GRIA4: variants seen among roughly 807,000 people sequenced by gnomAD.
The protein encoded by GRIA4 is glutamate receptor 4.
A neutral mutation model predicts 104.0 loss-of-function variants in GRIA4; 34 were observed. The ratio of observed to expected loss-of-function variants is 0.33; its 90% CI spans 0.25 to 0.44. GRIA4 has a LOEUF of 0.44. GRIA4 is among the 20% of genes least tolerant of loss of function. The pLI is 1.00. For synonymous variants in GRIA4, 386 were observed against 381.9 expected (o/e 1.01, Z -0.13); for missense variants, 750 against 1,096.5 (o/e 0.68, Z 4.46).
intron 3 of GRIA4, among the ~76,000 whole-genome samples, chr11:105,717,162 G>T (rs116185345): frequency 6.6e-6 from 1 of 151,986 alleles, no homozygotes. Flanking sequence ...AGAAAAGGTG[G>T]ATTGGAGCTA....
chr11:105,974,867 A>G (rs1858896837), intron 16 of GRIA4: 2 of 207,524 alleles, frequency 9.6e-6, no homozygotes, highest in African/African-American at 2.3e-5. Context: ...GCTTCCTTGC[A>G]CATAGACTGG....
At chr11:105,771,255 C>T (rs1938958) in intron 4 of GRIA4, among the ~76,000 whole-genome samples, 104,406 of 151,940 alleles carry the variant, frequency 0.69, 36,250 homozygotes, top group African/African-American at 0.8. Context: ...TCTTCAAAAA[C>T]TAACCTTCCT....
At chr11:105,665,815 T>A (rs557245424) in intron 3 of GRIA4, among the ~76,000 whole-genome samples, 25 of 152,150 alleles carry the variant, frequency 1.6e-4, no homozygotes, top group African/African-American at 5.5e-4. Flanking sequence ...GTGAGACACT[T>A]CCTTCAATGA....
chr11:105,785,696 A>G (rs7108004), intron 4 of GRIA4, among the ~76,000 whole-genome samples: 1 of 152,150 alleles, frequency 6.6e-6, no homozygotes, highest in Non-Finnish European at 1.5e-5. Context: ...TATTGGATAG[A>G]CGACATTTCT....
At chr11:105,674,923 C>A (rs117152031) in intron 3 of GRIA4, among the ~76,000 whole-genome samples, 1 of 151,860 alleles carries the variant, frequency 6.6e-6, no homozygotes, top group East Asian at 1.9e-4. Context: ...AAAATATTAA[C>A]CCTCTCTTCT....
chr11:105,679,771 G>A (rs568782781), intron 3 of GRIA4, among the ~76,000 whole-genome samples: 55 of 152,172 alleles, frequency 3.6e-4, no homozygotes, highest in African/African-American at 1.3e-3. Context: ...ATTGTAGTTC[G>A]TATTTATAAC....
intron 3 of GRIA4, chr11:105,614,248 T>C (rs1950545917): frequency 1.3e-5 from 2 of 151,708 alleles, no homozygotes; most frequent in Non-Finnish European, 3.0e-5. Context: ...TTTATTTTGT[T>C]TCATTTTTAC....
At position 105,971,908 on chromosome 11, in the gene GRIA4, G is replaced by A. The variant is rs371144128; in HGVS notation, c.2295-6G>A. ...TAATGTTATTTATGTTATTTTCCAC[G>A]TGAAGAACTCCTGTAAACCTTGCCG... On this transcript the variant is annotated splice_polypyrimidine_tract_variant and splice_region_variant and intron_variant, in intron 14 of 16. Coordinates refer to ENST00000282499, the MANE Select transcript of GRIA4 (RefSeq NM_000829.4). The A allele has an allele frequency of 1.5e-5, 23 of 1,533,650 alleles. No homozygotes were observed. Among genetic ancestry groups the A allele is most frequent in the Admixed American group, 8.4e-5 (5 of 59,616 alleles).
chr11:105,824,028 A>G (rs1943674124), intron 4 of GRIA4, among the ~76,000 whole-genome samples: 1 of 152,138 alleles, frequency 6.6e-6, no homozygotes, highest in African/African-American at 2.4e-5. Context: ...GAAGGCAGCC[A>G]TCTGCTAGCC....
chr11:105,862,160 G>T lies in GRIA4; in HGVS notation c.624G>T (p.Lys208Asn). ...LEELDRRQEKKFVIDCEIERL... is the reference protein window; with the variant it reads ...LEELDRRQEKNFVIDCEIERL... ...AACTTGACAGAAGACAAGAGAAGAA[G>T]TTTGTAATAGACTGTGAGATAGAGA... Residue 208 changes from lysine (K) to asparagine (N), a missense_variant, in exon 5 of 17, where the codon AAG becomes AAT. Around this residue, in one of 3 missense-constraint regions of GRIA4, gnomAD observed 410 missense variants for 502.7 expected, o/e 0.82. Transcript: ENST00000282499. 6.2e-7 allele frequency: 1 copy of T among 1,606,394 alleles called. No individual in the cohort carries two copies. Among genetic ancestry groups the T allele is most frequent in the Non-Finnish European group, 8.5e-7 (1 of 1,173,076 alleles).
At chr11:105,932,140 CT>C (rs1301780953) in intron 13 of GRIA4, among the ~76,000 whole-genome samples, 1 of 151,044 alleles carries the variant, frequency 6.6e-6, no homozygotes, top group African/African-American at 2.4e-5. Context: ...CTTTTCTTTT[CT>C]TTTTTTCTTT....
rs139679220 is a variant in GRIA4 at position 105,695,689 on chromosome 11, A to G, written c.248-57292A>G. On this transcript the variant is annotated intron_variant, in intron 3 of 16. Transcript: ENST00000282499. ...AGCCTTGAAGTCCTTTTTTCTTTAT[A>G]TAGTTATATTTATTTTTGTTTGCTA... Among the ~76,000 whole-genome samples the G allele has an allele frequency of 3.8e-4, 58 of 152,124 alleles. 2 individuals are homozygous for G. Among genetic ancestry groups the G allele is most frequent in the African/African-American group, 1.2e-3 (51 of 41,528 alleles).
At chr11:105,948,708 C>A (rs1050176166) in intron 14 of GRIA4, among the ~76,000 whole-genome samples, 1 of 148,366 alleles carries the variant, frequency 6.7e-6, no homozygotes, top group Non-Finnish European at 1.5e-5. Context: ...CGGGTGCAAG[C>A]GACTCTCCTG....
At chr11:105,820,965 A>C (rs1349339993) in intron 4 of GRIA4, among the ~76,000 whole-genome samples, 1 of 152,116 alleles carries the variant, frequency 6.6e-6, no homozygotes, top group Non-Finnish European at 1.5e-5. Flanking sequence ...ATGGTATATG[A>C]GGCCTGAACG....
intron 4 of GRIA4, among the ~76,000 whole-genome samples, chr11:105,765,229 G>T (rs1229754216): frequency 1.3e-5 from 2 of 152,100 alleles, no homozygotes; most frequent in South Asian, 2.1e-4. Context: ...GTGTAAAGTG[G>T]AACAGATAAA....
In GRIA4 at chr11:105,924,725, T is replaced by G; in HGVS notation, c.1803T>G (p.Phe601Leu). 1 of 1,612,162 alleles carries G rather than the reference T, an allele frequency of 6.2e-7. No individual in the cohort carries two copies. The highest frequency in any genetic ancestry group is 8.5e-7 in the Non-Finnish European group (1 of 1,178,752). ...NEFGIFNSLW[F>L]SLGAFMQQGC... ...TTGGCATCTTTAACAGCCTCTGGTT[T>G]TCCCTGGGTGCTTTTATGCAGCAAG... Residue 601 changes from phenylalanine to leucine, a missense_variant, in exon 12 of 17, where the codon TTT (phenylalanine) becomes TTG (leucine). Physicochemically the swap from Phe to Leu is conservative, Grantham distance 22. Around this residue, in one of 3 missense-constraint regions of GRIA4, gnomAD observed 272 missense variants for 524.5 expected, o/e 0.52. Transcript: ENST00000282499.
In GRIA4 at chr11:105,747,900, G is replaced by A. The variant is rs79847267; in HGVS notation, c.248-5081G>A. On this transcript the variant is annotated intron_variant, in intron 3 of 16. Transcript: ENST00000282499. ...ACCAAAATGCTCAATATTAAGAAAC[G>A]AAAAAACTAAACTTCGACACATACT... is the stretch of plus-strand genomic sequence containing the variant. 5.2e-3 allele frequency among the ~76,000 whole-genome samples: 795 copies of A among 152,106 alleles called. 10 individuals are homozygous for A. In the East Asian group the frequency reaches 0.054, roughly 10 times the overall value.
intron 15 of GRIA4, among the ~76,000 whole-genome samples, chr11:105,973,681 T>C (rs1250762123): frequency 6.6e-6 from 1 of 152,106 alleles, no homozygotes; most frequent in Non-Finnish European, 1.5e-5. Context: ...CTAAACAGTA[T>C]ATAATATGCA....
chr11:105,717,254 C>A (rs1412769351), intron 3 of GRIA4, among the ~76,000 whole-genome samples: 2 of 152,036 alleles, frequency 1.3e-5, no homozygotes, highest in Non-Finnish European at 2.9e-5. Context: ...CAGAGCATGG[C>A]AAGCTCCATA....
Sources: gnomAD v4.1 joint callset for allele counts (sites outside exome capture counted in the v4.1 genomes callset) on GRCh38, gnomAD v4.1.1 for gene constraint, gnomAD v4.1.1 regional missense constraint, MANE v1.5 for transcripts, NCBI Gene and HGNC (gene_info 2026-07-23, HGNC 2026-07-21) for gene names.